PTPRD: variants seen among roughly 807,000 people sequenced by gnomAD.
The protein encoded by PTPRD is receptor-type tyrosine-protein phosphatase delta.
Under a neutral mutation model 214.5 loss-of-function variants are expected in PTPRD, and 34 were observed. The observed-to-expected ratio is 0.16, with a 90% CI of 0.12 to 0.21. The LOEUF (loss-of-function observed/expected upper bound fraction) is 0.21. Ranked by LOEUF, PTPRD falls within the 10% of genes least tolerant of loss-of-function variation. The pLI, the probability that PTPRD is intolerant of heterozygous loss-of-function variation, is 1.00. For synonymous variants in PTPRD, 1,128 were observed against 845.7 expected, an observed-to-expected ratio of 1.33 and a Z score of -5.79; for missense variants, 2,545 against 2,398.7, an observed-to-expected ratio of 1.06 and a Z score of -1.27.
At chr9:8,414,344 T>C (rs1339678212) in intron 35 of PTPRD, among the ~76,000 whole-genome samples, 64 of 152,240 alleles carry the variant, frequency 4.2e-4, no homozygotes, top group Non-Finnish European at 1.0e-4. Context: ...TTTTCCAATT[T>C]TTACATATGT....
Position 8,543,273 on chromosome 9 carries a change from T to C in PTPRD, c.353-14494A>G, listed in dbSNP as rs2078966186. ...ATAAATTTGGGAAACATACAATCTC[T>C]AATTCTTAACAAAGTGACAGCAAAT... is the stretch of plus-strand genomic sequence containing the variant. On this transcript the variant is annotated intron_variant, in intron 14 of 45. Coordinates refer to ENST00000381196, the MANE Select transcript of PTPRD (RefSeq NM_002839.4). 2.6e-5 allele frequency among the ~76,000 whole-genome samples: 4 copies of C among 152,254 alleles called. No individual in the cohort carries two copies. The South Asian group carries it at 8.3e-4, about 32-fold the overall frequency.
intron 10 of PTPRD, among the ~76,000 whole-genome samples, chr9:9,160,160 C>T (rs1187137081): frequency 6.6e-6 from 1 of 152,006 alleles, no homozygotes; most frequent in Non-Finnish European, 1.5e-5. Flanking sequence ...ATTCCTAAAG[C>T]ACAAGATAAA....
chr9:9,553,710 G>A (rs933890906), intron 8 of PTPRD, among the ~76,000 whole-genome samples: 12 of 151,652 alleles, frequency 7.9e-5, no homozygotes, highest in Non-Finnish European at 1.8e-4. Context: ...GGACTTCCTA[G>A]CAAGCTATTC....
At chr9:10,611,158 G>C (rs942437099) in intron 2 of PTPRD, among the ~76,000 whole-genome samples, 2 of 152,044 alleles carry the variant, frequency 1.3e-5, no homozygotes, top group African/African-American at 4.8e-5. Flanking sequence ...TACTGAGAAA[G>C]AAATTAACAG....
chr9:9,284,725 G>A (rs1595144740), intron 9 of PTPRD, among the ~76,000 whole-genome samples: 1 of 151,762 alleles, frequency 6.6e-6, no homozygotes, highest in East Asian at 2.0e-4. Flanking sequence ...GTGTCCTGGT[G>A]CAATGGAAAA....
At chr9:8,425,492 C>A (rs1234423288) in intron 35 of PTPRD, among the ~76,000 whole-genome samples, 1 of 152,110 alleles carries the variant, frequency 6.6e-6, no homozygotes, top group East Asian at 1.9e-4. Context: ...AACCCCTGAG[C>A]AAGCCACGCT....
At chr9:9,839,558 C>T (rs2057767502) in intron 5 of PTPRD, among the ~76,000 whole-genome samples, 1 of 151,948 alleles carries the variant, frequency 6.6e-6, no homozygotes, top group Non-Finnish European at 1.5e-5. Context: ...AAAGAGGATA[C>T]AAACAAATGG....
chr9:9,677,537 C>T (rs1331827816), intron 7 of PTPRD, among the ~76,000 whole-genome samples: 6 of 152,092 alleles, frequency 3.9e-5, no homozygotes, highest in Non-Finnish European at 7.4e-5. Flanking sequence ...GCTAAAAACT[C>T]TCAATAAATT....
At chr9:9,019,281 G>GAAGAAAGAAAGA (rs1234982087) in intron 10 of PTPRD, among the ~76,000 whole-genome samples, 13 of 72,190 alleles carry the variant, frequency 1.8e-4, no homozygotes, top group South Asian at 1.1e-3. Context: ...GAAAAAGAAA[G>GAAGAAAGAAAGA]AAGAAAGAAA....
chr9:9,983,322 G>A (rs1487808117), intron 4 of PTPRD, among the ~76,000 whole-genome samples: 1 of 152,204 alleles, frequency 6.6e-6, no homozygotes, highest in Non-Finnish European at 1.5e-5. Context: ...TGGAATCTTA[G>A]TGCAGAGTCA....
chr9:8,551,914 T>C (rs1454960089), intron 14 of PTPRD, among the ~76,000 whole-genome samples: 2 of 152,212 alleles, frequency 1.3e-5, no homozygotes, highest in African/African-American at 4.8e-5. Context: ...ATGGACCATG[T>C]GTTGAACTAA....
At chr9:8,358,926 T>C (rs993194284) in intron 39 of PTPRD, among the ~76,000 whole-genome samples, 4 of 150,376 alleles carry the variant, frequency 2.7e-5, no homozygotes, top group Non-Finnish European at 5.9e-5. Context: ...GCTAACACGG[T>C]GAAACCCCGT....
In PTPRD at chr9:9,018,145, C is replaced by T. The variant is rs73640984; in HGVS notation, c.-104+552G>A. On this transcript the variant is annotated intron_variant, in intron 11 of 45. Coordinates refer to ENST00000381196, the MANE Select transcript of PTPRD (RefSeq NM_002839.4). ...ACTTCACACTTTCTCTTTCCCAATCCATTAACTGAAGATTCCCTCATAACC... is the reference window on the plus strand; with the variant it reads ...ACTTCACACTTTCTCTTTCCCAATCTATTAACTGAAGATTCCCTCATAACC... 8.3e-3 allele frequency among the ~76,000 whole-genome samples: 1,259 copies of T among 152,102 alleles called. 15 individuals carry two copies. The highest frequency in any genetic ancestry group is 0.028 in the African/African-American group (1,157 of 41,468).
intron 30 of PTPRD, among the ~76,000 whole-genome samples, chr9:8,476,641 A>G (rs1292624774): frequency 2.0e-5 from 3 of 152,148 alleles, no homozygotes; most frequent in Non-Finnish European, 4.4e-5. Flanking sequence ...AACCATTTTT[A>G]ATCTATACAT....
At chr9:10,463,815 G>T (rs934321839) in intron 2 of PTPRD, among the ~76,000 whole-genome samples, 2 of 152,084 alleles carry the variant, frequency 1.3e-5, no homozygotes, top group South Asian at 4.1e-4. Flanking sequence ...ACCCAAGCAA[G>T]TTGTAATTCA....
intron 14 of PTPRD, among the ~76,000 whole-genome samples, chr9:8,536,767 T>C (rs1275724643): frequency 6.6e-6 from 1 of 152,012 alleles, no homozygotes; most frequent in African/African-American, 2.4e-5. Context: ...CTAACATATC[T>C]ACCCTATGAC....
At chr9:9,419,917 T>C (rs1446972702) in intron 8 of PTPRD, among the ~76,000 whole-genome samples, 1 of 151,710 alleles carries the variant, frequency 6.6e-6, no homozygotes, top group Non-Finnish European at 1.5e-5. Context: ...GAACAAAGTA[T>C]AACATCAAAA....
intron 12 of PTPRD, among the ~76,000 whole-genome samples, chr9:8,647,871 C>G (rs998313771): frequency 6.6e-6 from 1 of 152,210 alleles, no homozygotes; most frequent in East Asian, 1.9e-4. Flanking sequence ...TACATACAAA[C>G]TAAGCAACCA....
chr9:9,650,172 T>G (rs2096297628), intron 7 of PTPRD, among the ~76,000 whole-genome samples: 1 of 152,056 alleles, frequency 6.6e-6, no homozygotes, highest in African/African-American at 2.4e-5. Flanking sequence ...GTGCAGTGGT[T>G]TTCCCCCAAC....
Sources: gnomAD v4.1 joint callset for allele counts (sites outside exome capture counted in the v4.1 genomes callset) on GRCh38, gnomAD v4.1.1 for gene constraint, MANE v1.5 for transcripts, NCBI Gene and HGNC (gene_info 2026-07-23, HGNC 2026-07-21) for gene names.